COL25A1: variants seen among roughly 807,000 people sequenced by gnomAD.
COL25A1 encodes the protein collagen type XXV alpha 1 chain, also known as collagen alpha-1(XXV) chain.
A neutral mutation model predicts 128.4 loss-of-function variants in COL25A1; 103 were observed. The observed-to-expected ratio is 0.80, with a 90% CI of 0.68 to 0.94. COL25A1 has a LOEUF of 0.94. COL25A1 is among the 40% of genes least tolerant of loss of function. COL25A1 has a pLI of 0.00. For missense variants in COL25A1, 745 were observed against 840.0 expected (o/e 0.89, Z 1.40); for synonymous variants, 279 against 277.2 (o/e 1.01, Z -0.06).
intron 19 of COL25A1, among the ~76,000 whole-genome samples, chr4:108,876,198 C>T (rs1578629005): frequency 6.8e-6 from 1 of 146,214 alleles, no homozygotes; most frequent in Admixed American, 6.9e-5. Flanking sequence ...TACCCTAGAA[C>T]TTAAAGTATA....
chr4:109,088,866 T>C (rs1764649848), intron 3 of COL25A1, among the ~76,000 whole-genome samples: 2 of 152,300 alleles, frequency 1.3e-5, no homozygotes, highest in African/African-American at 2.4e-5. Context: ...ACAGTGATTA[T>C]AGAGAACTCT....
chr4:109,190,965 T>C (rs1775554853), intron 3 of COL25A1, among the ~76,000 whole-genome samples: 1 of 152,204 alleles, frequency 6.6e-6, no homozygotes, highest in African/African-American at 2.4e-5. Flanking sequence ...TTATGAGGTC[T>C]GAAATTATTT....
intron 3 of COL25A1, among the ~76,000 whole-genome samples, chr4:109,293,580 G>T (rs1303127548): frequency 6.6e-6 from 1 of 151,902 alleles, no homozygotes; most frequent in Non-Finnish European, 1.5e-5. Flanking sequence ...TCAAATACAA[G>T]AATAAAAACA....
intron 3 of COL25A1, among the ~76,000 whole-genome samples, chr4:109,231,842 T>C (rs6533418): frequency 0.47 from 72,140 of 152,072 alleles, 17,942 homozygotes; most frequent in African/African-American, 0.57. Flanking sequence ...ACTTGCTGAA[T>C]TTGTTTTTTT....
At chr4:109,149,307 T>C (rs1214648068) in intron 3 of COL25A1, among the ~76,000 whole-genome samples, 1 of 152,192 alleles carries the variant, frequency 6.6e-6, no homozygotes, top group Non-Finnish European at 1.5e-5. Flanking sequence ...TTGAAAAATA[T>C]TAAATCATTT....
intron 19 of COL25A1, among the ~76,000 whole-genome samples, chr4:108,869,678 G>T (rs1202164926): frequency 6.6e-6 from 1 of 151,860 alleles, no homozygotes; most frequent in Non-Finnish European, 1.5e-5. Flanking sequence ...TGAGATGAGC[G>T]TTCACATTAG....
At chr4:109,031,496 G>A (rs1758864258) in intron 5 of COL25A1, among the ~76,000 whole-genome samples, 1 of 152,004 alleles carries the variant, frequency 6.6e-6, no homozygotes, top group Non-Finnish European at 1.5e-5. Context: ...CCAAATAAAC[G>A]TCACCCACCA....
Position 109,302,336 on chromosome 4 carries a change from A to C in COL25A1, c.-224T>G. ...CTCTTCCGACTCCCAGAGGACCGAC[A>C]CCTCTTTCGAGGGCCCCAACAGTGG... On this transcript the variant is annotated 5_prime_UTR_variant, in exon 1 of 38. Coordinates refer to ENST00000399132, the MANE Select transcript of COL25A1 (RefSeq NM_198721.4). 3.1e-6 allele frequency: 1 copy of C among 320,720 alleles called. No individual in the cohort carries two copies. Among genetic ancestry groups the C allele is most frequent in the Non-Finnish European group, 5.7e-6 (1 of 175,590 alleles). The allele number at this position is 320,720 out of a possible 1,614,324, so 19.9% of individuals were successfully genotyped here. A position where few individuals can be genotyped will look rare whatever the true frequency, so the allele number is the denominator to read the frequency against.
chr4:108,824,865 T>C (rs1055424187), intron 34 of COL25A1, among the ~76,000 whole-genome samples: 5 of 152,212 alleles, frequency 3.3e-5, no homozygotes, highest in African/African-American at 7.2e-5. Flanking sequence ...TCTGTAAGGA[T>C]AGCATGTGAG....
At chr4:108,928,797 C>A (rs1421351787) in intron 11 of COL25A1, among the ~76,000 whole-genome samples, 1 of 152,102 alleles carries the variant, frequency 6.6e-6, no homozygotes, top group African/African-American at 2.4e-5. Context: ...GATCCACCCA[C>A]TTCGGCCTCC....
intron 3 of COL25A1, among the ~76,000 whole-genome samples, chr4:109,143,481 A>C (rs1377850432): frequency 6.6e-6 from 1 of 152,130 alleles, no homozygotes; most frequent in Non-Finnish European, 1.5e-5. Context: ...GTTCTCCTGG[A>C]TAATATCCTA....
chr4:108,985,090 A>G (rs1331280255), intron 6 of COL25A1, among the ~76,000 whole-genome samples: 4 of 152,160 alleles, frequency 2.6e-5, no homozygotes, highest in Non-Finnish European at 5.9e-5. Context: ...CTTCCAATGT[A>G]TATTGGATCT....
At chr4:108,950,081 T>C (rs1483528450) in intron 8 of COL25A1, among the ~76,000 whole-genome samples, 22 of 152,186 alleles carry the variant, frequency 1.4e-4, no homozygotes, top group Admixed American at 1.4e-3. Flanking sequence ...CACGCTCTTT[T>C]CCTCTTGTAT....
At chr4:108,918,652 G>C (rs1745142673) in intron 12 of COL25A1, among the ~76,000 whole-genome samples, 1 of 152,140 alleles carries the variant, frequency 6.6e-6, no homozygotes, top group Non-Finnish European at 1.5e-5. Context: ...GTTAAATAAG[G>C]GGCCCATGTC....
intron 3 of COL25A1, among the ~76,000 whole-genome samples, chr4:109,175,946 T>C (rs965756378): frequency 6.6e-6 from 1 of 152,228 alleles, no homozygotes; most frequent in Non-Finnish European, 1.5e-5. Context: ...TAACTTATAG[T>C]GAAGAATGTT....
chr4:108,924,734 C>T (rs969690395), intron 11 of COL25A1, among the ~76,000 whole-genome samples: 41 of 152,188 alleles, frequency 2.7e-4, no homozygotes, highest in African/African-American at 8.2e-4. Context: ...CTTTCCCATA[C>T]TTAAATATCT....
At chr4:109,213,523 G>A (rs1277877500) in intron 3 of COL25A1, among the ~76,000 whole-genome samples, 1 of 152,246 alleles carries the variant, frequency 6.6e-6, no homozygotes, top group African/African-American at 2.4e-5. Flanking sequence ...TCCCAATGGG[G>A]AGGACCATGT....
chr4:109,134,232 A>C (rs1769492855), intron 3 of COL25A1, among the ~76,000 whole-genome samples: 1 of 151,782 alleles, frequency 6.6e-6, no homozygotes, highest in Non-Finnish European at 1.5e-5. Context: ...GGAGTCTTTA[A>C]GAGTCGTAAG....
At chr4:108,899,544 A>G (rs906302930) in intron 14 of COL25A1, among the ~76,000 whole-genome samples, 1 of 152,156 alleles carries the variant, frequency 6.6e-6, no homozygotes, top group Non-Finnish European at 1.5e-5. Context: ...CTCAGAGTTA[A>G]TCAGGTGGAC....
Sources: allele counts gnomAD v4.1 joint callset (sites outside exome capture counted in the v4.1 genomes callset), GRCh38; gene constraint gnomAD v4.1.1; transcripts MANE v1.5; gene names NCBI Gene and HGNC (gene_info 2026-07-23, HGNC 2026-07-21).